Variants in KCNT2 observed in about 807,000 individuals in gnomAD.
KCNT2 encodes potassium channel subfamily T member 2.
A neutral mutation model predicts 153.8 loss-of-function variants in KCNT2; 67 were observed. The ratio of observed to expected loss-of-function variants is 0.44; its 90% CI spans 0.36 to 0.53. The LOEUF (loss-of-function observed/expected upper bound fraction) is 0.53, where lower values mean the gene tolerates loss of function less well. Among genes scored for constraint, KCNT2 ranks in the 20% least tolerant of loss-of-function variants. The pLI is 0.00. For synonymous variants in KCNT2, 500 were observed against 458.8 expected, an observed-to-expected ratio of 1.09 and a Z score of -1.15; for missense variants, 975 against 1,354.8, an observed-to-expected ratio of 0.72 and a Z score of 4.40.
chr1:196,279,346 T>C (rs1298082975), intron 25 of KCNT2, among the ~76,000 whole-genome samples: 1 of 152,112 alleles, frequency 6.6e-6, no homozygotes, highest in East Asian at 1.9e-4. Context: ...TTCTTTGCAG[T>C]GTGAACCACA....
At chr1:196,540,432 C>T (rs1426516196) in intron 1 of KCNT2, among the ~76,000 whole-genome samples, 1 of 152,128 alleles carries the variant, frequency 6.6e-6, no homozygotes, top group Non-Finnish European at 1.5e-5. Context: ...CAATTCTCCT[C>T]AAAAGGAAGC....
At chr1:196,602,791 T>C (rs1226298007) in intron 1 of KCNT2, among the ~76,000 whole-genome samples, 1 of 138,138 alleles carries the variant, frequency 7.2e-6, no homozygotes, top group East Asian at 2.1e-4. Context: ...TTTTTTTTTT[T>C]TTTTTTGAGA....
At chr1:196,509,106 T>C (rs911385253) in intron 1 of KCNT2, among the ~76,000 whole-genome samples, 3 of 151,876 alleles carry the variant, frequency 2.0e-5, no homozygotes, top group South Asian at 2.1e-4. Flanking sequence ...CCGTCTCTAC[T>C]AAAAATACAA....
At chr1:196,481,589 T>A (rs1475760319) in intron 4 of KCNT2, among the ~76,000 whole-genome samples, 1 of 152,216 alleles carries the variant, frequency 6.6e-6, no homozygotes, top group African/African-American at 2.4e-5. Context: ...GTGATTCTAT[T>A]CTTCCGATTA....
In KCNT2 at chr1:196,596,054, GTGTATATATATA is replaced by G. The variant is rs1222759723; in HGVS notation, c.95+12149_95+12160del. On this transcript the variant is annotated intron_variant, in intron 1 of 27. Coordinates refer to ENST00000294725, the MANE Select transcript of KCNT2 (RefSeq NM_198503.5). ...TTATGGCTGAGTTGTATTCCATGAT[GTGTATATATATA>G]TATATATATATATATATATATATAT... Among the ~76,000 whole-genome samples, 307 of 138,530 alleles carry G rather than the reference GTGTATATATATA, an allele frequency of 2.2e-3. 11 individuals are homozygous for G. Among genetic ancestry groups the G allele is most frequent in the African/African-American group, 9.6e-3 (292 of 30,400 alleles). 90.9% of individuals were successfully genotyped at this position (138,530 alleles called of 152,430 possible). A position where few individuals can be genotyped will look rare whatever the true frequency, so the allele number is the denominator to read the frequency against.
intron 26 of KCNT2, among the ~76,000 whole-genome samples, chr1:196,236,461 C>T (rs181801027): frequency 1.3e-5 from 2 of 151,506 alleles, no homozygotes; most frequent in East Asian, 1.9e-4. Context: ...AGAATATCCA[C>T]ACAGGAAATT....
In KCNT2 at chr1:196,273,235, A is replaced by G. The variant is rs548321451; in HGVS notation, c.2910+7625T>C. Among the ~76,000 whole-genome samples the G allele has an allele frequency of 3.7e-4, 57 of 152,002 alleles. No homozygotes were observed. In the South Asian group the frequency reaches 0.012, roughly 31 times the overall value. ...CTTTAATTAGCACACAAATATCGAA[A>G]CAAATACTTCTTAGAATTTAATCTT... On this transcript the variant is annotated intron_variant, in intron 25 of 27. Coordinates refer to ENST00000294725, the MANE Select transcript of KCNT2 (RefSeq NM_198503.5).
intron 26 of KCNT2, among the ~76,000 whole-genome samples, chr1:196,241,904 T>G (rs550912753): frequency 3.4e-4 from 52 of 152,192 alleles, no homozygotes; most frequent in African/African-American, 1.3e-3. Context: ...GTTTCATAAA[T>G]GTTGAAAAAC....
intron 24 of KCNT2, among the ~76,000 whole-genome samples, chr1:196,282,002 G>C (rs1170933724): frequency 6.6e-6 from 1 of 152,014 alleles, no homozygotes; most frequent in African/African-American, 2.4e-5. Context: ...ACCCGCCTCA[G>C]CCTCCCAAAG....
intron 5 of KCNT2, among the ~76,000 whole-genome samples, chr1:196,469,475 G>T (rs1220465596): frequency 1.3e-5 from 2 of 152,030 alleles, no homozygotes; most frequent in Non-Finnish European, 2.9e-5. Context: ...ACGTACCCTT[G>T]TTAACAATCA....
At chr1:196,366,418 C>T (rs1164117335) in intron 14 of KCNT2, among the ~76,000 whole-genome samples, 2 of 152,044 alleles carry the variant, frequency 1.3e-5, no homozygotes, top group African/African-American at 4.8e-5. Flanking sequence ...CTCGGCCTCC[C>T]AAAGTGCTGG....
intron 24 of KCNT2, among the ~76,000 whole-genome samples, chr1:196,281,734 A>G (rs1162666586): frequency 1.3e-5 from 2 of 152,038 alleles, no homozygotes; most frequent in Admixed American, 1.3e-4. Context: ...TCAAATTGCC[A>G]GTTAACAAAA....
Position 196,320,867 on chromosome 1 carries a change from T to C in KCNT2, c.2277-1312A>G, listed in dbSNP as rs1429583472. ...TCTTAAAATCTTCAGTTACTTATTTTGTAAGTTATTTTCACTTTTTTCTGT... is the reference window on the plus strand; with the variant it reads ...TCTTAAAATCTTCAGTTACTTATTTCGTAAGTTATTTTCACTTTTTTCTGT... On this transcript the variant is annotated intron_variant, in intron 19 of 27. Coordinates refer to ENST00000294725, the MANE Select transcript of KCNT2 (RefSeq NM_198503.5). Among the ~76,000 whole-genome samples, 6 of 151,908 alleles carry C rather than the reference T, an allele frequency of 3.9e-5. No individual in the cohort carries two copies. The East Asian group carries it at 1.2e-3, about 29-fold the overall frequency.
At chr1:196,379,276 A>T (rs1212731356) in intron 13 of KCNT2, among the ~76,000 whole-genome samples, 1 of 152,042 alleles carries the variant, frequency 6.6e-6, no homozygotes, top group Non-Finnish European at 1.5e-5. Context: ...TTTCCTATTT[A>T]AAAATTATAT....
intron 8 of KCNT2, among the ~76,000 whole-genome samples, chr1:196,463,633 A>G (rs748732641): frequency 6.6e-5 from 10 of 151,786 alleles, no homozygotes; most frequent in Non-Finnish European, 1.5e-4. Context: ...CAACAAAACA[A>G]TAACTATTAT....
chr1:196,531,966 T>C (rs757326499), intron 1 of KCNT2, among the ~76,000 whole-genome samples: 5 of 152,092 alleles, frequency 3.3e-5, no homozygotes, highest in Non-Finnish European at 5.9e-5. Flanking sequence ...TCCCATTATC[T>C]ATAGCTACCA....
chr1:196,555,815 TG>T (rs1658577873), intron 1 of KCNT2, among the ~76,000 whole-genome samples: 4 of 151,160 alleles, frequency 2.6e-5, no homozygotes, highest in African/African-American at 7.3e-5. Context: ...CACAGACCAA[TG>T]GAAAACAATA....
intron 1 of KCNT2, among the ~76,000 whole-genome samples, chr1:196,495,414 C>A (rs776700575): frequency 1.3e-5 from 2 of 152,070 alleles, no homozygotes; most frequent in Non-Finnish European, 2.9e-5. Context: ...CAAAGTTTTT[C>A]ATGATTTAAC....
intron 13 of KCNT2, among the ~76,000 whole-genome samples, chr1:196,384,315 T>C (rs1367961017): frequency 6.6e-6 from 1 of 152,168 alleles, no homozygotes; most frequent in Non-Finnish European, 1.5e-5. Flanking sequence ...TGTGCATTTA[T>C]GTGAGCCCAC....
Sources: gnomAD v4.1 joint callset for allele counts (sites outside exome capture counted in the v4.1 genomes callset) on GRCh38, gnomAD v4.1.1 for gene constraint, MANE v1.5 for transcripts, NCBI Gene and HGNC (gene_info 2026-07-23, HGNC 2026-07-21) for gene names.